Variants in MECR observed in about 807,000 individuals in gnomAD.
The protein encoded by MECR is enoyl-[acyl-carrier-protein] reductase, mitochondrial.
In MECR, 37 loss-of-function variants were observed where a neutral mutation model predicts 49.1. The ratio of observed to expected loss-of-function variants is 0.75; its 90% CI spans 0.58 to 0.99. The LOEUF is 0.99. Among genes scored for constraint, MECR ranks in the 50% least tolerant of loss-of-function variants. The pLI is 0.00. For synonymous variants in MECR, 198 were observed against 191.1 expected (o/e 1.04, Z -0.30); for missense variants, 470 against 479.6 (o/e 0.98, Z 0.19).
At chr1:29,212,422 T>TAAACA (rs1348042498) in intron 3 of MECR, among the ~76,000 whole-genome samples, 1 of 152,062 alleles carries the variant, frequency 6.6e-6, no homozygotes, top group Non-Finnish European at 1.5e-5. Flanking sequence ...TCTCAAAAGA[T>TAAACA]AAACAAAACA....
At chr1:29,227,088 C>T (rs59005078) in intron 1 of MECR, among the ~76,000 whole-genome samples, 3,643 of 151,822 alleles carry the variant, frequency 0.024, 61 homozygotes, top group Middle Eastern at 0.075. Context: ...CTCGGTCTCC[C>T]GAGTAGCTAG....
the MECR span, chr1:29,171,294 A>G: frequency 3.3e-5 from 5 of 151,604 alleles, no homozygotes; most frequent in African/African-American, 1.2e-4. Context: ...CAGAGACTAA[A>G]GGCTGAACAA....
intron 1 of MECR, among the ~76,000 whole-genome samples, chr1:29,228,641 G>A (rs753119734): frequency 2.6e-5 from 4 of 152,038 alleles, no homozygotes; most frequent in Non-Finnish European, 1.5e-5. Context: ...TGAACTAGAG[G>A]GAAATTACTG....
At chr1:29,178,896 A>G in the MECR span, among the ~76,000 whole-genome samples, 1 of 152,154 alleles carries the variant, frequency 6.6e-6, no homozygotes, top group East Asian at 1.9e-4. Context: ...TGATTCCTCA[A>G]TGATGCCAGG....
At chr1:29,173,458 T>TG in the MECR span, 2 of 115,112 alleles carry the variant, frequency 1.7e-5, no homozygotes, top group Non-Finnish European at 3.4e-5. Context: ...AAGTTGTTTT[T>TG]TTTTTTTCTT....
chr1:29,224,948 G>A (rs1349849620), intron 1 of MECR: 1 of 152,264 alleles, frequency 6.6e-6, no homozygotes, highest in Admixed American at 6.5e-5. Flanking sequence ...AACTTGGAGT[G>A]GCTCCGAGGG....
At chr1:29,190,211 A>G (rs1673093028), downstream of MECR, among the ~76,000 whole-genome samples, 1 of 151,580 alleles carries the variant, frequency 6.6e-6, no homozygotes, top group African/African-American at 2.4e-5. Context: ...TGTCTCTACT[A>G]AAAATACAAA....
Position 29,192,977 on chromosome 1 carries a change from C to G in MECR, c.*1045G>C, listed in dbSNP as rs1199094178. ...TTTTTTTTTTTGATATAGGGTCTTG[C>G]TCTGTTGCCTAGGCTGGAATGCAGT... is the stretch of plus-strand genomic sequence containing the variant. On this transcript the variant is annotated 3_prime_UTR_variant, in exon 10 of 10. Transcript: ENST00000263702. 1 of 148,800 alleles carries G rather than the reference C, an allele frequency of 6.7e-6. No individual in the cohort carries two copies. The highest frequency in any genetic ancestry group is 1.5e-5 in the Non-Finnish European group (1 of 67,538). 9.2% of individuals were successfully genotyped at this position (148,800 alleles called of 1,614,324 possible). A position where few individuals can be genotyped will look rare whatever the true frequency, so the allele number is the denominator to read the frequency against.
chr1:29,224,761 C>T (rs1681630250), intron 1 of MECR: 1 of 152,222 alleles, frequency 6.6e-6, no homozygotes, highest in Admixed American at 6.5e-5. Context: ...GTGATTTCCT[C>T]ACTGCCATAA....
At chr1:29,192,633 C>G (rs1254053844), downstream of MECR, among the ~76,000 whole-genome samples, 1 of 152,100 alleles carries the variant, frequency 6.6e-6, no homozygotes, top group Non-Finnish European at 1.5e-5. Context: ...TACAGAGGGC[C>G]AGGTGATAAG....
chr1:29,229,234 G>T (rs912259015), intron 1 of MECR, among the ~76,000 whole-genome samples: 1 of 147,702 alleles, frequency 6.8e-6, no homozygotes, highest in Non-Finnish European at 1.5e-5. Flanking sequence ...ACAGAGTCTC[G>T]CTCTGTTGCC....
intron 1 of MECR, among the ~76,000 whole-genome samples, chr1:29,228,240 TATAAA>T (rs974035340): frequency 1.6e-4 from 24 of 151,186 alleles, no homozygotes; most frequent in Non-Finnish European, 2.4e-4. Context: ...TAAATATATA[TATAAA>T]ATAAAAGCTG....
chr1:29,206,655 C>A lies in MECR; in HGVS notation c.550+107G>T. 3.9e-6 allele frequency: 5 copies of A among 1,296,018 alleles called. No individual in the cohort carries two copies. The South Asian group carries it at 6.9e-5, about 18-fold the overall frequency. 80.3% of individuals were successfully genotyped at this position (1,296,018 alleles called of 1,614,324 possible). The stretch of plus-strand genomic sequence containing the variant: ...TTCACCCAGGTGAGAGGTCCATCAC[C>A]CCCTCAAAACCTCCACCTTGCAAGT... On this transcript the variant is annotated intron_variant, in intron 4 of 9. Transcript: ENST00000263702.
chr1:29,179,512 A>C, the MECR span, among the ~76,000 whole-genome samples: 2 of 152,144 alleles, frequency 1.3e-5, no homozygotes, highest in Admixed American at 6.6e-5. Flanking sequence ...GGCGAGTGTC[A>C]CCACGCGTGG....
At position 29,221,611 on chromosome 1, in the gene MECR, A is replaced by G. The variant is rs555791570; in HGVS notation, c.177-4926T>C. 2.6e-5 allele frequency among the ~76,000 whole-genome samples: 4 copies of G among 152,290 alleles called. No individual in the cohort carries two copies. In the South Asian group the frequency reaches 6.2e-4, roughly 24 times the overall value. ...TCAGTTCCATGTGGCGGGAGGGAAGAGAAGTCTTTGATGGCTCCCAGGCCT... is the reference window on the plus strand; with the variant it reads ...TCAGTTCCATGTGGCGGGAGGGAAGGGAAGTCTTTGATGGCTCCCAGGCCT... On this transcript the variant is annotated intron_variant, in intron 1 of 9. Transcript: ENST00000263702.
At chr1:29,197,566 T>G (rs1360939859) in intron 7 of MECR, among the ~76,000 whole-genome samples, 1 of 152,188 alleles carries the variant, frequency 6.6e-6, no homozygotes, top group African/African-American at 2.4e-5. Flanking sequence ...GTCTGTTGAT[T>G]AAGGATGACC....
At chr1:29,188,036 CA>C (rs57284689), downstream of MECR, among the ~76,000 whole-genome samples, 90 of 66,410 alleles carry the variant, frequency 1.4e-3, 2 homozygotes, top group East Asian at 0.023. Context: ...GACTCTGTCT[CA>C]AAAAAAAAAA....
the MECR span, among the ~76,000 whole-genome samples, chr1:29,179,347 C>CA: frequency 1.3e-5 from 2 of 151,890 alleles, no homozygotes; most frequent in Non-Finnish European, 2.9e-5. Flanking sequence ...CATCAAAAAG[C>CA]AAAAAAAGTC....
rs1461378452 is a variant in MECR at position 29,201,597 on chromosome 1, G to A, written c.756+346C>T. ...AAATGTAAGGCAGGTGGTTGGGAAA[G>A]GTTACTTCTTTTCTTTCTCTTTCTG... On this transcript the variant is annotated intron_variant, in intron 6 of 9. Coordinates refer to ENST00000263702, the MANE Select transcript of MECR (RefSeq NM_016011.5). This position sits in a 1 kb window ranked among gnomAD's most constrained non-coding sequence, Gnocchi z 4.3. The A allele has an allele frequency of 2.2e-6, 1 of 464,478 alleles. No homozygotes were observed. The highest frequency in any genetic ancestry group is 1.9e-5 in the South Asian group (1 of 52,434). The allele number at this position is 464,478 out of a possible 1,614,324, so 28.8% of individuals were successfully genotyped here. A position where few individuals can be genotyped will look rare whatever the true frequency, so the allele number is the denominator to read the frequency against.
Sources: allele counts gnomAD v4.1 joint callset (sites outside exome capture counted in the v4.1 genomes callset), GRCh38; gene constraint gnomAD v4.1.1; non-coding constraint Gnocchi (gnomAD v3.1); transcripts MANE v1.5; gene names NCBI Gene and HGNC (gene_info 2026-07-23, HGNC 2026-07-21).